The following DGKB variants were observed in gnomAD, a reference collection of about 807,000 sequenced individuals.
DGKB encodes the protein 90 kDa diacylglycerol kinase.
Under a neutral mutation model 114.3 loss-of-function variants are expected in DGKB, and 67 were observed. The ratio of observed to expected loss-of-function variants is 0.59; its 90% CI spans 0.48 to 0.72. The LOEUF (loss-of-function observed/expected upper bound fraction) is 0.72, where lower values mean the gene tolerates loss of function less well. Ranked by LOEUF, DGKB falls within the 30% of genes least tolerant of loss-of-function variation. The pLI, the probability that DGKB is intolerant of heterozygous loss-of-function variation, is 0.00. For missense variants in DGKB, 907 were observed against 975.2 expected (o/e 0.93, Z 0.93); for synonymous variants, 398 against 323.1 (o/e 1.23, Z -2.49).
intron 21 of DGKB, among the ~76,000 whole-genome samples, chr7:14,386,471 T>A (rs567190182): frequency 6.6e-6 from 1 of 152,290 alleles, no homozygotes; most frequent in Non-Finnish European, 1.5e-5. Flanking sequence ...ATAACTCCCT[T>A]CTAATTAAGC....
intron 1 of DGKB, among the ~76,000 whole-genome samples, chr7:14,946,668 G>C (rs114703768): frequency 6.6e-6 from 1 of 151,648 alleles, no homozygotes; most frequent in African/African-American, 2.4e-5. Flanking sequence ...TGGGAAACAA[G>C]GAAGTTTTCA....
At chr7:14,353,425 T>C (rs993343459) in intron 21 of DGKB, among the ~76,000 whole-genome samples, 1 of 152,178 alleles carries the variant, frequency 6.6e-6, no homozygotes, top group Admixed American at 6.5e-5. Flanking sequence ...GCTTTGCCCC[T>C]CTTTTCCTAT....
chr7:14,292,641 A>G (rs1393433434), intron 23 of DGKB, among the ~76,000 whole-genome samples: 6 of 152,196 alleles, frequency 3.9e-5, no homozygotes, highest in Non-Finnish European at 8.8e-5. Flanking sequence ...TAAATGGCTC[A>G]TTCTAATTCA....
rs112193647 is a variant in DGKB, at chr7:14,276,761, C to A, written c.2122+61754G>T. ...TGGATTATCTCACTTAACACAATAA[C>A]CACATGATGTAGATACTATCATGAC... On this transcript the variant is annotated intron_variant, in intron 23 of 25. Coordinates refer to ENST00000402815, the MANE Select transcript of DGKB (RefSeq NM_001350709.2). Among the ~76,000 whole-genome samples the A allele has an allele frequency of 7.6e-4, 115 of 151,850 alleles. 1 individual carries two copies. The highest frequency in any genetic ancestry group is 2.7e-3 in the African/African-American group (113 of 41,474).
intron 23 of DGKB, among the ~76,000 whole-genome samples, chr7:14,309,203 G>A (rs2128502499): frequency 6.6e-6 from 1 of 152,166 alleles, no homozygotes; most frequent in East Asian, 1.9e-4. Context: ...GTGACAGAGT[G>A]AGACCCTGTC....
intron 23 of DGKB, among the ~76,000 whole-genome samples, chr7:14,200,479 A>G (rs191654183): frequency 6.6e-6 from 1 of 152,198 alleles, no homozygotes; most frequent in Non-Finnish European, 1.5e-5. Flanking sequence ...GGTGTTATGA[A>G]TTTCTAATTG....
rs1004700060 is a variant in DGKB at position 14,869,751 on chromosome 7, T to G, written c.-187-28301A>C. ...TTACTAATGTTTTTCAACAGTTATA[T>G]ACACAATATATATTCATATATTTAA... On this transcript the variant is annotated intron_variant, in intron 1 of 25. Coordinates refer to ENST00000402815, the MANE Select transcript of DGKB (RefSeq NM_001350709.2). 3.3e-5 allele frequency among the ~76,000 whole-genome samples: 5 copies of G among 152,220 alleles called. No individual in the cohort carries two copies. The East Asian group carries it at 9.6e-4, about 29-fold the overall frequency.
intron 21 of DGKB, among the ~76,000 whole-genome samples, chr7:14,348,413 G>C (rs182624673): frequency 6.6e-6 from 1 of 151,652 alleles, no homozygotes; most frequent in African/African-American, 2.4e-5. Context: ...CTGATGATTC[G>C]GCAGTAAAAG....
chr7:14,895,276 G>T (rs1343725179), intron 1 of DGKB, among the ~76,000 whole-genome samples: 2 of 151,494 alleles, frequency 1.3e-5, no homozygotes, highest in Non-Finnish European at 3.0e-5. Context: ...TTCACTGTGA[G>T]TTCATCTGTT....
intron 23 of DGKB, among the ~76,000 whole-genome samples, chr7:14,310,266 G>A (rs1395127405): frequency 2.6e-5 from 4 of 152,174 alleles, no homozygotes; most frequent in Non-Finnish European, 5.9e-5. Context: ...AGTGGTAACT[G>A]TCTTCTGAAG....
At chr7:14,180,373 T>C (rs1017612675) in intron 23 of DGKB, among the ~76,000 whole-genome samples, 2 of 152,144 alleles carry the variant, frequency 1.3e-5, no homozygotes, top group Non-Finnish European at 2.9e-5. Flanking sequence ...CCACCCTCCT[T>C]CTGATTTTTT....
chr7:14,390,000 G>T (rs1000262326), intron 21 of DGKB, among the ~76,000 whole-genome samples: 12 of 152,122 alleles, frequency 7.9e-5, no homozygotes, highest in Admixed American at 2.0e-4. Context: ...CACAGTGAGG[G>T]GGAAATTATA....
chr7:14,416,801 G>T (rs577278115), intron 21 of DGKB, among the ~76,000 whole-genome samples: 1 of 152,136 alleles, frequency 6.6e-6, no homozygotes, highest in Non-Finnish European at 1.5e-5. Context: ...ACTAATACAA[G>T]TCCCTTTTTA....
intron 13 of DGKB, among the ~76,000 whole-genome samples, chr7:14,637,047 C>T (rs1242461555): frequency 6.6e-6 from 1 of 151,766 alleles, no homozygotes; most frequent in Admixed American, 6.6e-5. Flanking sequence ...TGATACATAG[C>T]GCACAAGAAG....
chr7:14,915,664 T>G (rs1443007338), intron 1 of DGKB, among the ~76,000 whole-genome samples: 2 of 152,030 alleles, frequency 1.3e-5, no homozygotes, highest in Non-Finnish European at 2.9e-5. Flanking sequence ...TGGAGACAAG[T>G]ATTTAAAGTG....
intron 20 of DGKB, among the ~76,000 whole-genome samples, chr7:14,542,818 T>G (rs1423740887): frequency 6.6e-6 from 1 of 152,200 alleles, no homozygotes; most frequent in Non-Finnish European, 1.5e-5. Flanking sequence ...TATCTGTTGT[T>G]ACTCAAATAA....
chr7:14,825,031 T>TATATATAC (rs1845491232), intron 2 of DGKB, among the ~76,000 whole-genome samples: 1 of 138,978 alleles, frequency 7.2e-6, no homozygotes, highest in South Asian at 2.3e-4. Flanking sequence ...TATATATATA[T>TATATATAC]ATATATATAT....
intron 23 of DGKB, among the ~76,000 whole-genome samples, chr7:14,199,133 C>A (rs1785456594): frequency 6.6e-6 from 1 of 151,904 alleles, no homozygotes; most frequent in African/African-American, 2.4e-5. Flanking sequence ...TTTGCTCATT[C>A]TCTTTCTCCC....
At chr7:14,543,199 CCA>C (rs1464010194) in intron 20 of DGKB, among the ~76,000 whole-genome samples, 18 of 152,062 alleles carry the variant, frequency 1.2e-4, no homozygotes, top group Admixed American at 4.6e-4. Flanking sequence ...CCTGTAATCC[CCA>C]CACTTTCGGA....
Sources: allele counts gnomAD v4.1 joint callset (sites outside exome capture counted in the v4.1 genomes callset), GRCh38; gene constraint gnomAD v4.1.1; transcripts MANE v1.5; gene names NCBI Gene and HGNC (gene_info 2026-07-23, HGNC 2026-07-21).